Variants in MYT1L observed in about 807,000 individuals in gnomAD.
MYT1L encodes myelin transcription factor 1-like protein.
A neutral mutation model predicts 126.7 loss-of-function variants in MYT1L; 12 were observed. That is an observed-to-expected ratio of 0.09 (90% confidence interval 0.06 to 0.15). The LOEUF (loss-of-function observed/expected upper bound fraction) is 0.15, where lower values mean the gene tolerates loss of function less well. Among genes scored for constraint, MYT1L ranks in the 10% least tolerant of loss-of-function variants. The pLI is 1.00. For synonymous variants in MYT1L, 541 were observed against 604.2 expected, an observed-to-expected ratio of 0.90 and a Z score of 1.53; for missense variants, 979 against 1,585.2, an observed-to-expected ratio of 0.62 and a Z score of 6.49.
chr2:2,100,007 T>A (rs1396009044), intron 3 of MYT1L, among the ~76,000 whole-genome samples: 1 of 152,224 alleles, frequency 6.6e-6, no homozygotes, highest in Non-Finnish European at 1.5e-5. Context: ...ACCCTGTCCA[T>A]CCTCAATATA....
intron 2 of MYT1L, among the ~76,000 whole-genome samples, chr2:2,241,283 G>GTA (rs899010742): frequency 1.1e-4 from 16 of 151,952 alleles, no homozygotes; most frequent in African/African-American, 3.9e-4. Context: ...TTTTGTGTGT[G>GTA]TGTGTGTGTG....
rs762964020 is a variant in MYT1L at position 1,912,109 on chromosome 2, G to T, written c.1620C>A (p.Ile540=). The T allele has an allele frequency of 3.2e-6, 5 of 1,571,910 alleles. No homozygotes were observed. The highest frequency in any genetic ancestry group is 2.3e-5 in the East Asian group (1 of 43,496). The part of the protein sequence containing the change: ...CPHKDRVPPE[I]LAMHESVLKC... ...TGAGGACACTTTCATGCATGGCAAG[G>T]ACTTGACAGGGAGAGGCAAAGAGAA... is the stretch of plus-strand genomic sequence containing the variant. The change falls in exon 12 of 25, where the codon ATC becomes ATA. Residue 540 remains isoleucine (I), a splice_region_variant and synonymous_variant. Transcript: ENST00000647738. This position sits in a 1 kb window ranked among gnomAD's most constrained non-coding sequence, Gnocchi z 4.3.
At chr2:2,027,500 G>A (rs1167616344) in intron 4 of MYT1L, among the ~76,000 whole-genome samples, 1 of 152,102 alleles carries the variant, frequency 6.6e-6, no homozygotes, top group South Asian at 2.1e-4. Context: ...CCGGATTCTG[G>A]GAAATAAGCC....
At chr2:2,171,016 TG>T (rs2089978566) in intron 3 of MYT1L, among the ~76,000 whole-genome samples, 1 of 152,180 alleles carries the variant, frequency 6.6e-6, no homozygotes. Flanking sequence ...TGGAGACCTT[TG>T]GGTGACAAGC....
At chr2:2,286,139 C>T (rs887939100) in intron 1 of MYT1L, among the ~76,000 whole-genome samples, 6 of 152,158 alleles carry the variant, frequency 3.9e-5, no homozygotes, top group Non-Finnish European at 7.3e-5. Flanking sequence ...TGTGCCACCA[C>T]CCCCGGCTAA....
intron 2 of MYT1L, among the ~76,000 whole-genome samples, chr2:2,176,461 C>T (rs527658721): frequency 6.6e-6 from 1 of 152,092 alleles, no homozygotes; most frequent in African/African-American, 2.4e-5. Flanking sequence ...TCAGTTTTTG[C>T]CGTAGATCAC....
In MYT1L at chr2:2,215,836, TC is replaced by T. The variant is rs571490911; in HGVS notation, c.-420-42849del. Among the ~76,000 whole-genome samples, 569 of 152,166 alleles carry T rather than the reference TC, an allele frequency of 3.7e-3. 3 individuals carry two copies. Among genetic ancestry groups the T allele is most frequent in the African/African-American group, 0.013 (543 of 41,544 alleles). On this transcript the variant is annotated intron_variant, in intron 2 of 24. Transcript: ENST00000647738. ...ATCCCCCAGTGTTGGAGGTGGTCCC[TC>T]CCCAAATCTCATGTTGAATTGCATT...
rs906509715 is a variant in MYT1L, at chr2:2,140,941, C to CT, written c.-304+31930dup. ...AATTGCATATTGAAATTATCAAATA[C>CT]TTTTTTTTAAATTAACCCAAAACTA... On this transcript the variant is annotated intron_variant, in intron 3 of 24. Transcript: ENST00000647738. 5.3e-5 allele frequency among the ~76,000 whole-genome samples: 8 copies of CT among 152,158 alleles called. No homozygotes were observed. In the East Asian group the frequency reaches 5.8e-4, roughly 11 times the overall value.
intron 2 of MYT1L, among the ~76,000 whole-genome samples, chr2:2,217,669 TCAACAACAACAACAA>T (rs201935161): frequency 2.4e-4 from 22 of 92,188 alleles, no homozygotes; most frequent in Admixed American, 8.4e-4. Flanking sequence ...AAACTCCATC[TCAACAACAACAACAA>T]CAACAACAAC....
intron 5 of MYT1L, among the ~76,000 whole-genome samples, chr2:1,984,038 T>G (rs1210633951): frequency 6.6e-6 from 1 of 152,200 alleles, no homozygotes; most frequent in Non-Finnish European, 1.5e-5. Flanking sequence ...GAATCTATTT[T>G]GAGCCAATAA....
chr2:2,048,142 G>A (rs1244974820), intron 4 of MYT1L, among the ~76,000 whole-genome samples: 2 of 152,144 alleles, frequency 1.3e-5, no homozygotes, highest in Admixed American at 6.5e-5. Flanking sequence ...CGGGGATAGA[G>A]CCTGATGCAG....
At chr2:2,322,122 T>C (rs933491855) in intron 1 of MYT1L, among the ~76,000 whole-genome samples, 2 of 151,896 alleles carry the variant, frequency 1.3e-5, no homozygotes, top group African/African-American at 4.8e-5. Context: ...TTAAAAGGAA[T>C]AGAGTCAAAT....
intron 2 of MYT1L, among the ~76,000 whole-genome samples, chr2:2,203,510 G>A (rs575504620): frequency 8.6e-5 from 13 of 151,738 alleles, no homozygotes; most frequent in South Asian, 4.2e-4. Context: ...CCCATTCACA[G>A]TTGCTTCAAA....
chr2:2,293,657 G>T (rs1197931613), intron 1 of MYT1L, among the ~76,000 whole-genome samples: 2 of 152,196 alleles, frequency 1.3e-5, no homozygotes, highest in Non-Finnish European at 2.9e-5. Flanking sequence ...CCTTAGGTGC[G>T]CAGGGCCAAA....
intron 2 of MYT1L, among the ~76,000 whole-genome samples, chr2:2,254,177 A>C (rs180872719): frequency 6.6e-6 from 1 of 152,340 alleles, no homozygotes; most frequent in East Asian, 1.9e-4. Flanking sequence ...GTTTTGCATA[A>C]GAGTTTGCAT....
At chr2:1,831,557 TCA>T (rs1298367553) in intron 21 of MYT1L, among the ~76,000 whole-genome samples, 1 of 152,182 alleles carries the variant, frequency 6.6e-6, no homozygotes, top group African/African-American at 2.4e-5. Context: ...TCGTCCTATC[TCA>T]GTCTGGTTTT....
intron 8 of MYT1L, among the ~76,000 whole-genome samples, chr2:1,946,467 G>A (rs544904348): frequency 3.3e-5 from 5 of 152,230 alleles, no homozygotes; most frequent in Non-Finnish European, 1.5e-5. Flanking sequence ...GCATGGGGTA[G>A]GGGCAAGAGC....
intron 1 of MYT1L, among the ~76,000 whole-genome samples, chr2:2,293,478 G>T (rs956465858): frequency 1.3e-5 from 2 of 152,204 alleles, no homozygotes; most frequent in African/African-American, 4.8e-5. Context: ...GGCGTGGAGG[G>T]TGATGGTGAG....
At chr2:2,087,668 G>A (rs546867711) in intron 3 of MYT1L, among the ~76,000 whole-genome samples, 187 of 152,320 alleles carry the variant, frequency 1.2e-3, no homozygotes, top group African/African-American at 4.1e-3. Context: ...TTTAACAACC[G>A]CCATGTGCCC....
Sources: gnomAD v4.1 joint callset for allele counts (sites outside exome capture counted in the v4.1 genomes callset) on GRCh38, gnomAD v4.1.1 for gene constraint, Gnocchi (gnomAD v3.1) non-coding constraint, MANE v1.5 for transcripts, NCBI Gene and HGNC (gene_info 2026-07-23, HGNC 2026-07-21) for gene names.